Variants in XDH observed in about 807,000 individuals in gnomAD.
XDH encodes the protein xanthine dehydrogenase.
In XDH, 138 loss-of-function variants were observed where a neutral mutation model predicts 156.1. The ratio of observed to expected loss-of-function variants is 0.88; its 90% confidence interval spans 0.77 to 1.02. The LOEUF (loss-of-function observed/expected upper bound fraction) is 1.02. Ranked by LOEUF, XDH falls within the 50% of genes least tolerant of loss-of-function variation. The probability of loss-of-function intolerance (pLI) is 0.00; values close to 1 mark genes in which losing one functional copy is unlikely to be tolerated. For synonymous variants in XDH, 669 were observed against 625.7 expected, an observed-to-expected ratio of 1.07 and a Z score of -1.03; for missense variants, 1,849 against 1,684.9, an observed-to-expected ratio of 1.10 and a Z score of -1.71.
chr2:31,343,310 A>ATATATATATATATATATGCATATT (rs1685181542), intron 31 of XDH, among the ~76,000 whole-genome samples: 1 of 102,230 alleles, frequency 9.8e-6, no homozygotes, highest in Non-Finnish European at 1.9e-5. Flanking sequence ...ATATATATAT[A>ATATATATATATATATATGCATATT]TATATATATA....
In XDH at chr2:31,383,170, G is replaced by T; in HGVS notation, c.887-18C>A. On this transcript the variant is annotated intron_variant, in intron 10 of 35. Transcript: ENST00000379416. ...GGAGATACCTGGGAACGCACGTTCG[G>T]AATCACAGCAATTCTTCCCACAGTT... 1 of 1,614,142 alleles carries T rather than the reference G, an allele frequency of 6.2e-7. No homozygotes were observed. The highest frequency in any genetic ancestry group is 1.1e-5 in the South Asian group (1 of 91,070).
chr2:31,396,008 T>G (rs1246231378), intron 6 of XDH, among the ~76,000 whole-genome samples: 1 of 152,204 alleles, frequency 6.6e-6, no homozygotes, highest in African/African-American at 2.4e-5. Flanking sequence ...TCCACACGCT[T>G]TCTAGTGTGT....
At chr2:31,404,732 G>A (rs909554497) in intron 2 of XDH, among the ~76,000 whole-genome samples, 6 of 152,050 alleles carry the variant, frequency 3.9e-5, no homozygotes, top group African/African-American at 9.7e-5. Flanking sequence ...CCGATCTAGT[G>A]ACACTTTCAC....
intron 24 of XDH, among the ~76,000 whole-genome samples, chr2:31,360,845 G>A (rs192506590): frequency 1.4e-5 from 2 of 147,868 alleles, no homozygotes; most frequent in African/African-American, 5.4e-5. Flanking sequence ...CAGATAAGGG[G>A]AGATGACTGT....
intron 23 of XDH, among the ~76,000 whole-genome samples, chr2:31,364,571 C>CG (rs564912956): frequency 2.1e-4 from 32 of 151,786 alleles, no homozygotes; most frequent in South Asian, 6.3e-4. Flanking sequence ...CACGATAGGG[C>CG]GGGGGGGAAG....
chr2:31,345,854 A>T (rs1363129299), intron 30 of XDH, among the ~76,000 whole-genome samples: 1 of 152,230 alleles, frequency 6.6e-6, no homozygotes, highest in Non-Finnish European at 1.5e-5. Flanking sequence ...GTCAGATGAT[A>T]GAACATTGTT....
At chr2:31,414,446 GAGA>G (rs1346866471) in intron 1 of XDH, among the ~76,000 whole-genome samples, 176 bp downstream of exon 1, 4 of 151,620 alleles carry the variant, frequency 2.6e-5, no homozygotes, top group Non-Finnish European at 5.9e-5. Context: ...CTCTAGCCCC[GAGA>G]AGGTCTTCTT....
chr2:31,375,975 C>T (rs186011857), intron 14 of XDH, among the ~76,000 whole-genome samples: 2 of 152,246 alleles, frequency 1.3e-5, no homozygotes, highest in Admixed American at 6.5e-5. Flanking sequence ...CCAGGAATTT[C>T]GGAACCAAGG....
chr2:31,346,553 C>T (rs1212811468), intron 30 of XDH, among the ~76,000 whole-genome samples: 1 of 152,166 alleles, frequency 6.6e-6, no homozygotes, highest in African/African-American at 2.4e-5. Context: ...AAAAACTTCC[C>T]TCAAATGACC....
In XDH at chr2:31,366,973, T is replaced by C. The variant is rs1438362301; in HGVS notation, c.2219A>G (p.Gln740Arg). 6.2e-7 allele frequency: 1 copy of C among 1,614,104 alleles called. No individual in the cohort carries two copies. Among genetic ancestry groups the C allele is most frequent in the Non-Finnish European group, 8.5e-7 (1 of 1,179,940 alleles). Residue 740 changes from glutamine to arginine, a missense_variant, in exon 21 of 36, where the codon CAA becomes CGA. Physicochemically the swap from Gln to Arg is conservative, Grantham distance 43. Transcript: ENST00000379416. ...GTGAGTCTCCAGGTAGAAGTGCTCT[T>C]GGCCACCGATGTATATCTCCCCTGG... ...VVSGEIYIGG[Q>R]EHFYLETHCT...
intron 24 of XDH, among the ~76,000 whole-genome samples, chr2:31,358,971 C>T (rs142187990): frequency 3.4e-4 from 52 of 152,186 alleles, no homozygotes; most frequent in African/African-American, 1.2e-3. Context: ...AAAACCATCC[C>T]TATTTGCAGA....
At chr2:31,356,273 G>A (rs1685618986) in intron 24 of XDH, among the ~76,000 whole-genome samples, 1 of 152,070 alleles carries the variant, frequency 6.6e-6, no homozygotes. Flanking sequence ...AGGATCTAGT[G>A]GATATTTATA....
chr2:31,375,700 C>T, intron 14 of XDH, 146 bp from the exon 15 acceptor site: 1 of 780,228 alleles, frequency 1.3e-6, no homozygotes, highest in Non-Finnish European at 2.1e-6. Flanking sequence ...CTTTAGGCAA[C>T]TTTAATTAAT....
At chr2:31,403,622 A>G (rs1572570102) in intron 2 of XDH, among the ~76,000 whole-genome samples, 1 of 152,214 alleles carries the variant, frequency 6.6e-6, no homozygotes, top group Admixed American at 6.5e-5. Flanking sequence ...TTTTGGGCTG[A>G]TAAGTCCCCA....
chr2:31,363,985 G>A (rs982984369), intron 24 of XDH, among the ~76,000 whole-genome samples, 173 bp downstream of exon 24: 3 of 152,084 alleles, frequency 2.0e-5, no homozygotes, highest in Non-Finnish European at 2.9e-5. Context: ...GAAATAATAC[G>A]ATCATCATTG....
intron 31 of XDH, 47 bp from the exon 32 acceptor site, chr2:31,342,344 AC>A (rs1257169081): frequency 6.6e-7 from 1 of 1,512,798 alleles, no homozygotes; most frequent in African/African-American, 1.4e-5. Flanking sequence ...ACATGAACAC[AC>A]CCCCTTCCCT....
Position 31,349,695 on chromosome 2 carries a change from T to C in XDH, c.2960A>G (p.Lys987Arg), listed in dbSNP as rs1279254339. ...QYHARKSEVD[K>R]FNKENCWKKR... is the part of the protein sequence containing the mutation. ...TACTCCTAGTGCTTACTTGTTGAAC[T>C]TGTCAACCTCACTCTTCCGAGCATG... is the stretch of plus-strand genomic sequence containing the variant. The change falls in exon 26 of 36, where the codon AAG becomes AGG. Residue 987 changes from lysine to arginine, a missense_variant. Coordinates refer to ENST00000379416, the MANE Select transcript of XDH (RefSeq NM_000379.4). The C allele has an allele frequency of 6.2e-7, 1 of 1,614,174 alleles. No homozygotes were observed. The highest frequency in any genetic ancestry group is 8.5e-7 in the Non-Finnish European group (1 of 1,180,028).
At chr2:31,338,089 A>T (rs1685016414) in intron 34 of XDH, among the ~76,000 whole-genome samples, 1 of 152,212 alleles carries the variant, frequency 6.6e-6, no homozygotes, top group African/African-American at 2.4e-5. Context: ...ATGCACATAT[A>T]ATGTACCATT....
intron 15 of XDH, among the ~76,000 whole-genome samples, chr2:31,375,023 C>CTTTTTTTTTTTTT (rs60340656): frequency 4.3e-5 from 4 of 92,346 alleles, no homozygotes; most frequent in African/African-American, 2.0e-4. Flanking sequence ...TTCTTTCTTT[C>CTTTTTTTTTTTTT]TTTTTTTTTT....
Sources: gnomAD v4.1 joint callset for allele counts (sites outside exome capture counted in the v4.1 genomes callset) on GRCh38, gnomAD v4.1.1 for gene constraint, MANE v1.5 for transcripts, NCBI Gene and HGNC (gene_info 2026-07-23, HGNC 2026-07-21) for gene names.